Variants in SRGAP2 observed in about 807,000 individuals in gnomAD.
SRGAP2 encodes SLIT-ROBO Rho GTPase-activating protein 2.
SRGAP2 carries 15 observed loss-of-function variants against 57.2 expected under a neutral mutation model. The observed-to-expected ratio is 0.26, with a 90% CI of 0.18 to 0.40. The LOEUF is 0.40. Ranked by LOEUF, SRGAP2 falls within the 10% of genes least tolerant of loss-of-function variation. SRGAP2 has a pLI of 1.00. For synonymous variants in SRGAP2, 249 were observed against 248.0 expected (o/e 1.00, Z -0.04); for missense variants, 520 against 669.6 (o/e 0.78, Z 2.47).
intron 4 of SRGAP2, among the ~76,000 whole-genome samples, chr1:206,351,958 G>T (rs1676066882): frequency 6.6e-6 from 1 of 151,984 alleles, no homozygotes; most frequent in African/African-American, 2.4e-5. Flanking sequence ...AGAGCTCAAG[G>T]TGCTATATTT....
intron 2 of SRGAP2, among the ~76,000 whole-genome samples, chr1:206,252,932 C>G (rs1419560218): frequency 8.1e-6 from 1 of 123,810 alleles, no homozygotes; most frequent in Non-Finnish European, 1.6e-5. Flanking sequence ...CCCAAGGGAT[C>G]TGCTTTTCCT....
intron 3 of SRGAP2, among the ~76,000 whole-genome samples, chr1:206,306,562 G>A (rs1386125222): frequency 2.0e-5 from 3 of 152,138 alleles, no homozygotes; most frequent in Non-Finnish European, 2.9e-5. Context: ...CGAGCGGGTT[G>A]CCAATGTTGG....
chr1:206,448,309 A>G (rs1662946611), intron 18 of SRGAP2, among the ~76,000 whole-genome samples: 1 of 152,092 alleles, frequency 6.6e-6, no homozygotes, highest in Non-Finnish European at 1.5e-5. Flanking sequence ...CCATTTCACC[A>G]CACTTTCCAG....
chr1:206,320,958 G>A (rs2102830440), intron 3 of SRGAP2, among the ~76,000 whole-genome samples: 1 of 146,514 alleles, frequency 6.8e-6, no homozygotes, highest in African/African-American at 2.6e-5. Context: ...TAATCGTAGT[G>A]CAGTCATCGA....
Position 206,458,874 on chromosome 1 carries a change from G to A in SRGAP2, c.2759G>A (p.Arg920Gln), listed in dbSNP as rs782401043. The A allele has an allele frequency of 2.1e-5, 16 of 780,246 alleles. No individual in the cohort carries two copies. Among genetic ancestry groups the A allele is most frequent in the East Asian group, 7.3e-5 (3 of 41,226 alleles). 48.3% of individuals were successfully genotyped at this position (780,246 alleles called of 1,614,324 possible). ...AATCGGCTGGATAGTCCACAGATCC[G>A]GAAGACTGCCACAGCGGGAAGGTCA... ...LKNRLDSPQI[R>Q]KTATAGRSKS... The change falls in exon 22 of 23, where the codon CGG becomes CAG. Residue 920 changes from arginine to glutamine, a missense_variant. Transcript: ENST00000573034.
intron 4 of SRGAP2, among the ~76,000 whole-genome samples, chr1:206,347,356 T>A (rs1361284282): frequency 6.6e-6 from 1 of 151,578 alleles, no homozygotes; most frequent in Non-Finnish European, 1.5e-5. Context: ...GGTGGGCAGA[T>A]CACCTGAGGT....
At chr1:206,440,503 A>C (rs1470291450) in intron 17 of SRGAP2, among the ~76,000 whole-genome samples, 1 of 152,004 alleles carries the variant, frequency 6.6e-6, no homozygotes, top group Non-Finnish European at 1.5e-5. Flanking sequence ...CCCCAGAGTC[A>C]TGGTAATAGC....
chr1:206,263,740 T>C (rs1251210543), intron 2 of SRGAP2, among the ~76,000 whole-genome samples: 22 of 152,224 alleles, frequency 1.4e-4, no homozygotes, highest in African/African-American at 5.3e-4. Context: ...CAGAAGTCTC[T>C]TCTCTAATGG....
intron 4 of SRGAP2, among the ~76,000 whole-genome samples, chr1:206,361,146 CAAT>C (rs1364568863): frequency 3.0e-5 from 3 of 98,998 alleles, no homozygotes; most frequent in Non-Finnish European, 6.1e-5. Context: ...GAAGAAGACT[CAAT>C]GATGAGTTCT....
At chr1:206,287,079 C>T (rs1671070107) in intron 2 of SRGAP2, among the ~76,000 whole-genome samples, 1 of 152,156 alleles carries the variant, frequency 6.6e-6, no homozygotes, top group African/African-American at 2.4e-5. Context: ...GGGTTGAATT[C>T]TAGACTCATT....
At position 206,462,959 on chromosome 1, in the gene SRGAP2, CCTT is replaced by C. The variant is rs1459116955; in HGVS notation, c.*1545_*1547del. ...AACTTGAGTTAAAGCTGAAACTCAT[CCTT>C]CTTCTCTGTGTTTTCTGGTTTAAAA... On this transcript the variant is annotated 3_prime_UTR_variant, in exon 23 of 23. Transcript: ENST00000573034. The C allele has an allele frequency of 1.3e-5, 2 of 152,210 alleles. No individual in the cohort carries two copies. The highest frequency in any genetic ancestry group is 2.4e-5 in the African/African-American group (1 of 41,438). The allele number at this position is 152,210 out of a possible 1,614,324, so 9.4% of individuals were successfully genotyped here. A position where few individuals can be genotyped will look rare whatever the true frequency, so the allele number is the denominator to read the frequency against.
At chr1:206,278,501 C>T (rs1214300832) in intron 2 of SRGAP2, among the ~76,000 whole-genome samples, 21 of 141,832 alleles carry the variant, frequency 1.5e-4, no homozygotes, top group Non-Finnish European at 3.0e-4. Flanking sequence ...AGTCACATAC[C>T]ACTATGCCTG....
chr1:206,363,366 A>G (rs1246824116), intron 4 of SRGAP2, among the ~76,000 whole-genome samples: 1 of 151,570 alleles, frequency 6.6e-6, no homozygotes, highest in East Asian at 1.9e-4. Flanking sequence ...ATTCCTCTGT[A>G]CCCTTAACCC....
chr1:206,375,284 C>A (rs1292068867), intron 4 of SRGAP2, among the ~76,000 whole-genome samples: 31 of 151,972 alleles, frequency 2.0e-4, no homozygotes, highest in African/African-American at 4.8e-5. Context: ...TCCCTTATGT[C>A]CCAGTCTACT....
At chr1:206,420,479 T>C (rs2103244502) in intron 12 of SRGAP2, among the ~76,000 whole-genome samples, 1 of 152,310 alleles carries the variant, frequency 6.6e-6, no homozygotes, top group South Asian at 2.1e-4. Flanking sequence ...CTTAGGCCGC[T>C]CTTTTCCCCT....
intron 4 of SRGAP2, among the ~76,000 whole-genome samples, chr1:206,353,373 A>G (rs1442703553): frequency 1.1e-4 from 16 of 152,014 alleles, no homozygotes; most frequent in Non-Finnish European, 1.9e-4. Flanking sequence ...TTGGCTGGGC[A>G]TGGTGGCTCA....
chr1:206,459,739 C>G (rs1370584079), intron 22 of SRGAP2, among the ~76,000 whole-genome samples: 1 of 152,146 alleles, frequency 6.6e-6, no homozygotes, highest in Non-Finnish European at 1.5e-5. Flanking sequence ...TTCTCCTTAC[C>G]CCATCTTCCA....
chr1:206,371,419 C>G (rs1303691072), intron 4 of SRGAP2, among the ~76,000 whole-genome samples: 1 of 152,060 alleles, frequency 6.6e-6, no homozygotes, highest in Non-Finnish European at 1.5e-5. Flanking sequence ...GAATGAGGAG[C>G]AACAGAAACT....
In SRGAP2 at chr1:206,454,050, C is replaced by A. The variant is rs1663595692; in HGVS notation, c.2360+670C>A. 5.7e-6 allele frequency: 4 copies of A among 697,058 alleles called. No individual in the cohort carries two copies. In the African/African-American group the frequency reaches 7.0e-5, roughly 12 times the overall value. The allele number at this position is 697,058 out of a possible 1,614,324, so 43.2% of individuals were successfully genotyped here. A position where few individuals can be genotyped will look rare whatever the true frequency, so the allele number is the denominator to read the frequency against. The stretch of plus-strand genomic sequence containing the variant: ...CCGTGGGCCCACCCAAGCCTGCCCC[C>A]TGTCCGTTTGCCCTGTCTCTGTCCC... On this transcript the variant is annotated intron_variant, in intron 20 of 22. Coordinates refer to ENST00000573034, the MANE Select transcript of SRGAP2 (RefSeq NM_015326.5). The surrounding 1 kb of genome is among the most constrained non-coding windows in gnomAD (Gnocchi z 4.3).
Sources: allele counts gnomAD v4.1 joint callset (sites outside exome capture counted in the v4.1 genomes callset), GRCh38; gene constraint gnomAD v4.1.1; non-coding constraint Gnocchi (gnomAD v3.1); transcripts MANE v1.5; gene names NCBI Gene and HGNC (gene_info 2026-07-23, HGNC 2026-07-21).